Variants in CD58 observed in about 807,000 individuals in gnomAD.
CD58 encodes lymphocyte function-associated antigen 3.
CD58 carries 14 observed loss-of-function variants against 27.6 expected under a neutral mutation model. The observed-to-expected ratio is 0.51, with a 90% CI of 0.34 to 0.79. CD58 has a LOEUF of 0.79. Among genes scored for constraint, CD58 ranks in the 30% least tolerant of loss-of-function variants. The pLI is 0.02. For synonymous variants in CD58, 117 were observed against 103.8 expected, an observed-to-expected ratio of 1.13 and a Z score of -0.77; for missense variants, 268 against 301.7, an observed-to-expected ratio of 0.89 and a Z score of 0.83.
chr1:116,561,610 G>A (rs1054204887), intron 1 of CD58, among the ~76,000 whole-genome samples: 1 of 152,096 alleles, frequency 6.6e-6, no homozygotes, highest in Non-Finnish European at 1.5e-5. Context: ...CCATGTTTTA[G>A]CAGAATTTCA....
chr1:116,555,898 T>G (rs1432390066), intron 1 of CD58, among the ~76,000 whole-genome samples: 5 of 152,190 alleles, frequency 3.3e-5, no homozygotes, highest in Admixed American at 2.0e-4. Context: ...CTTTTTTTTT[T>G]TACTTAATCT....
rs572146190 is a variant in CD58, at chr1:116,546,655, T to C, written c.71-2051A>G. Among the ~76,000 whole-genome samples, 7 of 152,278 alleles carry C rather than the reference T, an allele frequency of 4.6e-5. No homozygotes were observed. The South Asian group carries it at 1.5e-3, about 32-fold the overall frequency. The stretch of plus-strand genomic sequence containing the variant: ...GCCATACCCTGGCGGCATGAAGATG[T>C]CTTTTGTCTTTCCCAGGGAGAGCTG... On this transcript the variant is annotated intron_variant, in intron 1 of 5. Transcript: ENST00000369489. The surrounding 1 kb of genome is among the most constrained non-coding windows in gnomAD (Gnocchi z 4.1).
intron 1 of CD58, among the ~76,000 whole-genome samples, chr1:116,566,484 C>T (rs1407123189): frequency 6.6e-6 from 1 of 152,206 alleles, no homozygotes; most frequent in Non-Finnish European, 1.5e-5. Flanking sequence ...GCACACTTTG[C>T]ACCCAGAACT....
At position 116,553,098 on chromosome 1, in the gene CD58, G is replaced by A. The variant is rs1658444592; in HGVS notation, c.71-8494C>T. ...AAAAATTTAAGCATCTCTTCTGCTT[G>A]TTGATTTGGATTTCTTTTTCTGAGA... is the stretch of plus-strand genomic sequence containing the variant. On this transcript the variant is annotated intron_variant, in intron 1 of 5. Coordinates refer to ENST00000369489, the MANE Select transcript of CD58 (RefSeq NM_001779.3). Among the ~76,000 whole-genome samples, 3 of 151,542 alleles carry A rather than the reference G, an allele frequency of 2.0e-5. No individual in the cohort carries two copies. The South Asian group carries it at 6.2e-4, about 32-fold the overall frequency.
rs1362035665 is a variant in CD58 at position 116,528,140 on chromosome 1, G to A, written c.629-6157C>T. ...CAGTGGAAAGTCATAAAAGTCACAA[G>A]AGACCAACTTAAATCAGTCCAAAAA... is the stretch of plus-strand genomic sequence containing the variant. On this transcript the variant is annotated intron_variant, in intron 3 of 5. Transcript: ENST00000369489. The surrounding 1 kb of genome is among the most constrained non-coding windows in gnomAD (Gnocchi z 4.4). Among the ~76,000 whole-genome samples the A allele has an allele frequency of 6.6e-6, 1 of 152,168 alleles. No homozygotes were observed. The highest frequency in any genetic ancestry group is 1.5e-5 in the Non-Finnish European group (1 of 68,030).
chr1:116,552,719 T>C lies in CD58; in HGVS notation c.71-8115A>G, dbSNP rs1014353244. 2.6e-5 allele frequency among the ~76,000 whole-genome samples: 4 copies of C among 152,224 alleles called. No individual in the cohort carries two copies. The highest frequency in any genetic ancestry group is 7.2e-5 in the African/African-American group (3 of 41,452). On this transcript the variant is annotated intron_variant, in intron 1 of 5. Coordinates refer to ENST00000369489, the MANE Select transcript of CD58 (RefSeq NM_001779.3). The surrounding 1 kb of genome is among the most constrained non-coding windows in gnomAD (Gnocchi z 4.5). The stretch of plus-strand genomic sequence containing the variant: ...CAGAGCATGAGGGAACCATAATTAA[T>C]CTGCCATCCACCACTGATGAACACT...
chr1:116,520,147 G>A (rs1388367422), intron 4 of CD58, among the ~76,000 whole-genome samples: 3 of 152,124 alleles, frequency 2.0e-5, no homozygotes, highest in Non-Finnish European at 4.4e-5. Context: ...TGTTTTTTGA[G>A]ACAGGGTCTC....
intron 1 of CD58, among the ~76,000 whole-genome samples, chr1:116,568,417 T>G (rs1383620295): frequency 6.6e-6 from 1 of 152,214 alleles, no homozygotes; most frequent in African/African-American, 2.4e-5. Flanking sequence ...GTCCTAAAGA[T>G]TTTAATTGTT....
At chr1:116,518,223 C>T (rs1224515115) in intron 5 of CD58, among the ~76,000 whole-genome samples, 1 of 152,020 alleles carries the variant, frequency 6.6e-6, no homozygotes, top group African/African-American at 2.4e-5. Flanking sequence ...GGCATCAGAG[C>T]CTACACTGCC....
In CD58 at chr1:116,557,926, G is replaced by A. The variant is rs867952855; in HGVS notation, c.70+12977C>T. Among the ~76,000 whole-genome samples, 1 of 151,880 alleles carries A rather than the reference G, an allele frequency of 6.6e-6. No homozygotes were observed. The highest frequency in any genetic ancestry group is 1.5e-5 in the Non-Finnish European group (1 of 67,986). Reference sequence around the variant, plus strand: ...TGGGCTCAAGTGATCCTCCTCCCTGGGCCTTCTGAAGTGCTGAGATTACAA... The same window carrying A: ...TGGGCTCAAGTGATCCTCCTCCCTGAGCCTTCTGAAGTGCTGAGATTACAA... On this transcript the variant is annotated intron_variant, in intron 1 of 5. Coordinates refer to ENST00000369489, the MANE Select transcript of CD58 (RefSeq NM_001779.3). This position sits in a 1 kb window ranked among gnomAD's most constrained non-coding sequence, Gnocchi z 5.2.
At chr1:116,567,166 CAAAGAAGG>C (rs905025445) in intron 1 of CD58, among the ~76,000 whole-genome samples, 9 of 125,244 alleles carry the variant, frequency 7.2e-5, no homozygotes, top group African/African-American at 2.6e-4. Context: ...GGCAATGAAA[CAAAGAAGG>C]AAAGAAGGGA....
rs972292408 is a variant in CD58 at position 116,531,670 on chromosome 1, C to T, written c.628+4295G>A. 6.6e-5 allele frequency among the ~76,000 whole-genome samples: 10 copies of T among 152,202 alleles called. No homozygotes were observed. Among genetic ancestry groups the T allele is most frequent in the Admixed American group, 1.3e-4 (2 of 15,286 alleles). Reference sequence around the variant, plus strand: ...CAAACAGTGCTCCTTTGAGTGACACCTCTGTGGGTTTGATCTTTTCTCTGT... The same window carrying T: ...CAAACAGTGCTCCTTTGAGTGACACTTCTGTGGGTTTGATCTTTTCTCTGT... On this transcript the variant is annotated intron_variant, in intron 3 of 5. Coordinates refer to ENST00000369489, the MANE Select transcript of CD58 (RefSeq NM_001779.3). This position sits in a 1 kb window ranked among gnomAD's most constrained non-coding sequence, Gnocchi z 4.5.
chr1:116,551,866 A>G lies in CD58; in HGVS notation c.71-7262T>C, dbSNP rs562363529. Among the ~76,000 whole-genome samples, 3 of 151,448 alleles carry G rather than the reference A, an allele frequency of 2.0e-5. No individual in the cohort carries two copies. The South Asian group carries it at 6.2e-4, about 32-fold the overall frequency. Reference sequence around the variant, plus strand: ...GCGATTCTCCTGCCTCAGCCTCCCAACCAGCTGGGATTACAGGTGCCCACC... The same window carrying G: ...GCGATTCTCCTGCCTCAGCCTCCCAGCCAGCTGGGATTACAGGTGCCCACC... On this transcript the variant is annotated intron_variant, in intron 1 of 5. Coordinates refer to ENST00000369489, the MANE Select transcript of CD58 (RefSeq NM_001779.3).
intron 3 of CD58, chr1:116,533,702 CCT>C (rs1657693520): frequency 1.5e-6 from 1 of 685,396 alleles, no homozygotes; most frequent in Admixed American, 2.0e-5. Context: ...AATTTCTCCT[CCT>C]CTTCATTTTC....
intron 1 of CD58, among the ~76,000 whole-genome samples, chr1:116,558,373 T>G (rs1658649341): frequency 6.6e-6 from 1 of 152,178 alleles, no homozygotes; most frequent in Non-Finnish European, 1.5e-5. Flanking sequence ...CACAGCCTTG[T>G]CCCTCTCACT....
At chr1:116,567,407 G>A (rs1658977476) in intron 1 of CD58, among the ~76,000 whole-genome samples, 1 of 152,008 alleles carries the variant, frequency 6.6e-6, no homozygotes, top group Admixed American at 6.5e-5. Flanking sequence ...AGGCCAAGGA[G>A]GGAGGATCAC....
Position 116,521,941 on chromosome 1 carries a change from G to A in CD58, c.671C>T (p.Ala224Val), listed in dbSNP as rs1442583219. The change falls in exon 4 of 6, where the codon GCA (alanine) becomes GTA (valine). Residue 224 changes from alanine (A) to valine (V), a missense_variant. Ala to Val is a moderately conservative substitution (Grantham distance 64). Coordinates refer to ENST00000369489, the MANE Select transcript of CD58 (RefSeq NM_001779.3). The surrounding 1 kb of genome is among the most constrained non-coding windows in gnomAD (Gnocchi z 5.6). ...HRYALIPIPL[A>V]VITTCIVLYM... ...CAGCACAATACATGTTGTAATTACTGCTAATGGTATGGGTATAAGTGCATA... is the reference window on the plus strand; with the variant it reads ...CAGCACAATACATGTTGTAATTACTACTAATGGTATGGGTATAAGTGCATA... 3 of 1,582,640 alleles carry A rather than the reference G, an allele frequency of 1.9e-6. No homozygotes were observed. Among genetic ancestry groups the A allele is most frequent in the Non-Finnish European group, 2.6e-6 (3 of 1,153,902 alleles).
Position 116,528,361 on chromosome 1 carries a change from A to C in CD58, c.629-6378T>G, listed in dbSNP as rs1657491044. Among the ~76,000 whole-genome samples, 2 of 151,490 alleles carry C rather than the reference A, an allele frequency of 1.3e-5. No homozygotes were observed. Among genetic ancestry groups the C allele is most frequent in the South Asian group, 4.2e-4 (2 of 4,802 alleles). On this transcript the variant is annotated intron_variant, in intron 3 of 5. Coordinates refer to ENST00000369489, the MANE Select transcript of CD58 (RefSeq NM_001779.3). This position sits in a 1 kb window ranked among gnomAD's most constrained non-coding sequence, Gnocchi z 4.4. ...TCCAATTTCTCTCTTTTTTCTTAGGAGTAAGATCAAAGGGTGTTTTTTTGA... is the reference window on the plus strand; with the variant it reads ...TCCAATTTCTCTCTTTTTTCTTAGGCGTAAGATCAAAGGGTGTTTTTTTGA...
intron 1 of CD58, among the ~76,000 whole-genome samples, chr1:116,556,612 C>T (rs1049756332): frequency 2.0e-5 from 3 of 152,148 alleles, no homozygotes; most frequent in African/African-American, 4.8e-5. Context: ...TCCAAATCAT[C>T]GAATGCTAGA....
Sources: allele counts gnomAD v4.1 joint callset (sites outside exome capture counted in the v4.1 genomes callset), GRCh38; gene constraint gnomAD v4.1.1; non-coding constraint Gnocchi (gnomAD v3.1); transcripts MANE v1.5; gene names NCBI Gene and HGNC (gene_info 2026-07-23, HGNC 2026-07-21).